Variants in ZDHHC15 observed in about 807,000 individuals in gnomAD.
ZDHHC15 encodes the protein zDHHC palmitoyltransferase 15, also known as palmitoyltransferase ZDHHC15.
Under a neutral mutation model 31.7 loss-of-function variants are expected in ZDHHC15, and 19 were observed. The ratio of observed to expected loss-of-function variants is 0.60; its 90% CI spans 0.42 to 0.88. The LOEUF (loss-of-function observed/expected upper bound fraction) is 0.88, where lower values mean the gene tolerates loss of function less well. Among genes scored for constraint, ZDHHC15 ranks in the 40% least tolerant of loss-of-function variants. The probability of loss-of-function intolerance (pLI) is 0.00; values close to 1 mark genes in which losing one functional copy is unlikely to be tolerated. For synonymous variants in ZDHHC15, 103 were observed against 90.0 expected (o/e 1.14, Z -0.82); for missense variants, 209 against 251.2 (o/e 0.83, Z 1.14).
intron 3 of ZDHHC15, among the ~76,000 whole-genome samples, chrX:75,478,172 G>A (rs2084635697): frequency 9.0e-6 from 1 of 111,680 alleles, no homozygotes; most frequent in South Asian, 3.7e-4. Context: ...CGCATTTAAG[G>A]TAACACAGTC....
intron 4 of ZDHHC15, among the ~76,000 whole-genome samples, chrX:75,433,677 GTGTGTGTGTGTGTGTGTGTGTATA>G (rs1372374654): frequency 1.7e-4 from 4 of 24,096 alleles, no homozygotes; most frequent in South Asian, 0.018. Flanking sequence ...GTGTGTGTGT[GTGTGTGTGTGTGTGTGTGTGTATA>G]TATATATATA....
intron 10 of ZDHHC15, among the ~76,000 whole-genome samples, chrX:75,411,521 C>A (rs1000715779): frequency 8.9e-6 from 1 of 112,292 alleles, no homozygotes; most frequent in Admixed American, 9.4e-5. Context: ...CTGTACATTT[C>A]GATATAGCTA....
At chrX:75,456,830 C>A (rs774028414) in intron 3 of ZDHHC15, among the ~76,000 whole-genome samples, 1 of 111,452 alleles carries the variant, frequency 9.0e-6, no homozygotes, top group South Asian at 3.8e-4. Context: ...GGTGTCTCCC[C>A]TGTCAAGGCC....
At position 75,371,929 on chromosome X, in the gene ZDHHC15, T is replaced by G. The variant is rs1442563791; in HGVS notation, c.*1049A>C. On this transcript the variant is annotated 3_prime_UTR_variant, in exon 12 of 12. Transcript: ENST00000373367. ...AAAGAACTGGCATATTACTATTTGG[T>G]TATCACTGTCTGTACAATAGCCCCT... The G allele has an allele frequency of 8.9e-6, 1 of 111,958 alleles. No individual in the cohort carries two copies. The allele number at this position is 111,958 out of a possible 1,213,427, so 9.2% of individuals were successfully genotyped here. A position where few individuals can be genotyped will look rare whatever the true frequency, so the allele number is the denominator to read the frequency against.
intron 3 of ZDHHC15, among the ~76,000 whole-genome samples, chrX:75,470,078 G>A (rs2084480116): frequency 9.0e-6 from 1 of 111,550 alleles, no homozygotes; most frequent in African/African-American, 3.3e-5. Flanking sequence ...GATCCTGGGT[G>A]TGTCTGCAAG....
At chrX:75,505,993 G>A (rs749302623) in intron 1 of ZDHHC15, 146 bp from the exon 2 acceptor site, 8 of 488,307 alleles carry the variant, frequency 1.6e-5, no homozygotes, top group African/African-American at 1.4e-4. Context: ...AGTACTTTAG[G>A]AAACCACTAG....
chrX:75,419,542 A>G (rs954453370), intron 9 of ZDHHC15, among the ~76,000 whole-genome samples: 11 of 110,964 alleles, frequency 9.9e-5, no homozygotes, highest in African/African-American at 2.0e-4. Context: ...TCAGTGTGGC[A>G]ATTCCTCAGG....
chrX:75,474,921 G>A (rs191923240), intron 3 of ZDHHC15, among the ~76,000 whole-genome samples: 369 of 109,530 alleles, frequency 3.4e-3, no homozygotes, highest in African/African-American at 0.011. Flanking sequence ...TTAGCCAGGC[G>A]TGGTGGCGGG....
At chrX:75,496,442 G>A (rs973843473) in intron 2 of ZDHHC15, among the ~76,000 whole-genome samples, 1 of 111,256 alleles carries the variant, frequency 9.0e-6, no homozygotes, top group African/African-American at 3.3e-5. Flanking sequence ...CACTAGACTG[G>A]TCATCAAGAC....
At chrX:75,465,094 A>T (rs1483311558) in intron 3 of ZDHHC15, among the ~76,000 whole-genome samples, 2 of 112,508 alleles carry the variant, frequency 1.8e-5, no homozygotes, top group Middle Eastern at 8.4e-3. Flanking sequence ...GCTAATAAGC[A>T]ACTTCAGCAA....
At chrX:75,474,573 T>TAC (rs375925139) in intron 3 of ZDHHC15, among the ~76,000 whole-genome samples, 17,889 of 63,858 alleles carry the variant, frequency 0.28, 2,500 homozygotes, top group Middle Eastern at 0.39. Context: ...ATCCCCTTTA[T>TAC]ACACACACAC....
intron 3 of ZDHHC15, among the ~76,000 whole-genome samples, chrX:75,468,823 G>T (rs1028307832): frequency 3.6e-5 from 4 of 111,968 alleles, no homozygotes; most frequent in African/African-American, 1.3e-4. Context: ...ATGATGTCAA[G>T]CATCTTTTCT....
Position 75,440,365 on chromosome X carries a change from C to T in ZDHHC15, c.380-8845G>A, listed in dbSNP as rs960118751. Among the ~76,000 whole-genome samples, 4 of 111,193 alleles carry T rather than the reference C, an allele frequency of 3.6e-5. No homozygotes were observed. In the Admixed American group the frequency reaches 3.8e-4, roughly 11 times the overall value. On this transcript the variant is annotated intron_variant, in intron 4 of 11. Transcript: ENST00000373367. ...CACGATCTCGGCTCAATGCAAGCTC[C>T]GCCTTCCGGGTTCATGCCATTCTCT...
chrX:75,499,017 A>C (rs1240551738), intron 2 of ZDHHC15, among the ~76,000 whole-genome samples: 2 of 111,878 alleles, frequency 1.8e-5, no homozygotes, highest in African/African-American at 6.5e-5. Flanking sequence ...GGAAGAAAAC[A>C]AAACACAAAA....
At chrX:75,387,522 T>C (rs1448838692) in intron 10 of ZDHHC15, among the ~76,000 whole-genome samples, 3 of 111,355 alleles carry the variant, frequency 2.7e-5, no homozygotes, top group Non-Finnish European at 5.7e-5. Context: ...ATACATTTGC[T>C]AATCTGAAAA....
At chrX:75,422,363 C>T (rs896936541) in intron 8 of ZDHHC15, among the ~76,000 whole-genome samples, 2 of 111,738 alleles carry the variant, frequency 1.8e-5, no homozygotes, top group South Asian at 3.8e-4. Context: ...CAACAACAGC[C>T]GAATGACCAC....
chrX:75,443,594 C>CA lies in ZDHHC15; in HGVS notation c.379+7207dup, dbSNP rs767212572. On this transcript the variant is annotated intron_variant, in intron 4 of 11. Transcript: ENST00000373367. ...ATGTCTAAAACACCAAAAGCAATGG[C>CA]ACAAAAGCCAAAATTGACAAATGGG... is the stretch of plus-strand genomic sequence containing the variant. Among the ~76,000 whole-genome samples the CA allele has an allele frequency of 2.6e-3, 288 of 111,821 alleles. 1 individual carries two copies. Among genetic ancestry groups the CA allele is most frequent in the African/African-American group, 8.8e-3 (270 of 30,774 alleles).
chrX:75,414,000 T>C (rs187445430), intron 10 of ZDHHC15, among the ~76,000 whole-genome samples: 8 of 111,812 alleles, frequency 7.2e-5, no homozygotes, highest in Admixed American at 2.9e-4. Flanking sequence ...CCAATTTGAA[T>C]AGAGCAGAAA....
chrX:75,448,884 G>A (rs556368628), intron 4 of ZDHHC15, among the ~76,000 whole-genome samples: 233 of 110,503 alleles, frequency 2.1e-3, no homozygotes, highest in Middle Eastern at 0.014. Context: ...ATTAGCATTC[G>A]AATCTAGACT....
Sources: allele counts gnomAD v4.1 joint callset (sites outside exome capture counted in the v4.1 genomes callset), GRCh38; gene constraint gnomAD v4.1.1; transcripts MANE v1.5; gene names NCBI Gene and HGNC (gene_info 2026-07-23, HGNC 2026-07-21).